The following AGMO variants were observed in gnomAD, a reference collection of about 807,000 sequenced individuals.
AGMO encodes the protein alkylglycerol monooxygenase.
Under a neutral mutation model 60.2 loss-of-function variants are expected in AGMO, and 75 were observed. That is an observed-to-expected ratio of 1.25 (90% CI 1.03 to 1.51). AGMO has a LOEUF of 1.51. Ranked by LOEUF, AGMO falls within the 40% of genes most tolerant of loss-of-function variation. AGMO has a pLI of 0.00. For synonymous variants in AGMO, 261 were observed against 177.1 expected, an observed-to-expected ratio of 1.47 and a Z score of -3.76; for missense variants, 763 against 525.5, an observed-to-expected ratio of 1.45 and a Z score of -4.42.
chr7:15,289,180 A>G (rs756718030), intron 12 of AGMO, among the ~76,000 whole-genome samples: 2 of 152,114 alleles, frequency 1.3e-5, no homozygotes, highest in Non-Finnish European at 2.9e-5. Context: ...CATAATTTAA[A>G]TCATTAAAAT....
At chr7:15,414,586 C>G (rs1441857052) in intron 5 of AGMO, among the ~76,000 whole-genome samples, 2 of 151,612 alleles carry the variant, frequency 1.3e-5, no homozygotes, top group African/African-American at 4.9e-5. Flanking sequence ...CTGTCTTATA[C>G]CATCTAGCTC....
chr7:15,341,358 C>G (rs774732790), intron 12 of AGMO, among the ~76,000 whole-genome samples: 1 of 152,168 alleles, frequency 6.6e-6, no homozygotes, highest in Non-Finnish European at 1.5e-5. Context: ...ATCTCTAGGG[C>G]AGGGGCAAAA....
rs78347957 is a variant in AGMO, at chr7:15,230,345, A to T, written c.1264-28986T>A. ...GTTGTCTGCAAAATTTAAGGTAAAA[A>T]AAAAATTACCCATAAATACAATCGA... On this transcript the variant is annotated intron_variant, in intron 12 of 12. Transcript: ENST00000342526. Among the ~76,000 whole-genome samples the T allele has an allele frequency of 3.7e-4, 57 of 152,282 alleles. 1 individual carries two copies. In the East Asian group the frequency reaches 0.01, roughly 28 times the overall value.
At chr7:15,344,671 C>A (rs1781971287) in intron 12 of AGMO, among the ~76,000 whole-genome samples, 1 of 152,128 alleles carries the variant, frequency 6.6e-6, no homozygotes, top group Admixed American at 6.5e-5. Context: ...GCACTCCAGC[C>A]TGGGTGACAG....
intron 11 of AGMO, 60 bp from the exon 12 acceptor site, chr7:15,365,679 G>C (rs900066612): frequency 9.1e-7 from 1 of 1,101,836 alleles, no homozygotes; most frequent in South Asian, 1.4e-5. Context: ...ATGTTCACAT[G>C]TTATAATTAA....
Position 15,550,185 on chromosome 7 carries a change from A to G in AGMO, c.258-5262T>C, listed in dbSNP as rs976762814. 2.9e-3 allele frequency among the ~76,000 whole-genome samples: 445 copies of G among 151,216 alleles called. 2 individuals are homozygous for G. Among genetic ancestry groups the G allele is most frequent in the African/African-American group, 0.01 (427 of 41,322 alleles). On this transcript the variant is annotated intron_variant, in intron 2 of 12. Transcript: ENST00000342526. ...CAAAGCAGTGTGTAGAGGGAAATTT[A>G]TAGCACTAAATGCCCACAAGAGAAA... is the stretch of plus-strand genomic sequence containing the variant.
chr7:15,189,238 C>T, the AGMO span, among the ~76,000 whole-genome samples: 164 of 152,054 alleles, frequency 1.1e-3, no homozygotes, highest in Middle Eastern at 3.4e-3. Flanking sequence ...GTAAGAACTG[C>T]CATGAGGGAA....
At chr7:15,276,532 T>C (rs1470800351) in intron 12 of AGMO, among the ~76,000 whole-genome samples, 1 of 152,144 alleles carries the variant, frequency 6.6e-6, no homozygotes, top group Non-Finnish European at 1.5e-5. Flanking sequence ...TTGTCTTATA[T>C]ATTATCTAGC....
the AGMO span, among the ~76,000 whole-genome samples, chr7:15,182,203 G>C: frequency 1.3e-5 from 2 of 152,170 alleles, no homozygotes; most frequent in Non-Finnish European, 2.9e-5. Context: ...TGGGGGAAGA[G>C]GGAAGTGGGG....
chr7:15,184,515 AAGGG>A, the AGMO span, among the ~76,000 whole-genome samples: 2 of 126,860 alleles, frequency 1.6e-5, no homozygotes, highest in Non-Finnish European at 3.3e-5. Flanking sequence ...AGAAGGAAGG[AAGGG>A]AGGGAGGGAA....
chr7:15,264,160 T>C (rs1279141000), intron 12 of AGMO, among the ~76,000 whole-genome samples: 3 of 151,890 alleles, frequency 2.0e-5, no homozygotes, highest in Non-Finnish European at 4.4e-5. Flanking sequence ...ATTAGTTGTG[T>C]GCATCTAAAA....
intron 12 of AGMO, among the ~76,000 whole-genome samples, chr7:15,275,886 A>G (rs1286748482): frequency 1.3e-5 from 2 of 151,508 alleles, no homozygotes; most frequent in East Asian, 3.9e-4. Flanking sequence ...CATTTGTGTG[A>G]TATGTTTTTT....
At chr7:15,277,977 G>T (rs895007343) in intron 12 of AGMO, among the ~76,000 whole-genome samples, 1 of 152,136 alleles carries the variant, frequency 6.6e-6, no homozygotes, top group African/African-American at 2.4e-5. Flanking sequence ...TGAGGGGTCT[G>T]TACAAGTTTT....
intron 3 of AGMO, among the ~76,000 whole-genome samples, chr7:15,434,593 G>A (rs1781346886): frequency 6.6e-6 from 1 of 152,110 alleles, no homozygotes; most frequent in Non-Finnish European, 1.5e-5. Flanking sequence ...CAAGCCTCAT[G>A]AAGAACTGAA....
rs923078967 is a variant in AGMO, at chr7:15,536,936, C to T, written c.409+7836G>A. 2.0e-5 allele frequency among the ~76,000 whole-genome samples: 3 copies of T among 151,884 alleles called. No homozygotes were observed. In the East Asian group the frequency reaches 5.8e-4, roughly 29 times the overall value. The stretch of plus-strand genomic sequence containing the variant: ...TGACTTTTTTTTTGGTCTAAAATGG[C>T]TGTATTCAAATATTTTGTGTGCTAA... On this transcript the variant is annotated intron_variant, in intron 3 of 12. Coordinates refer to ENST00000342526, the MANE Select transcript of AGMO (RefSeq NM_001004320.2).
At chr7:15,415,749 A>G (rs1221288725) in intron 5 of AGMO, among the ~76,000 whole-genome samples, 1 of 152,130 alleles carries the variant, frequency 6.6e-6, no homozygotes, top group Non-Finnish European at 1.5e-5. Flanking sequence ...ACACCCAAAT[A>G]ACACCTGACA....
At chr7:15,251,077 T>G (rs1156275690) in intron 12 of AGMO, among the ~76,000 whole-genome samples, 2 of 152,124 alleles carry the variant, frequency 1.3e-5, no homozygotes, top group Non-Finnish European at 2.9e-5. Flanking sequence ...TTAAATATAT[T>G]AATATAATAT....
At chr7:15,119,379 G>A in the AGMO span, among the ~76,000 whole-genome samples, 2 of 151,850 alleles carry the variant, frequency 1.3e-5, no homozygotes, top group African/African-American at 2.4e-5. Flanking sequence ...CCCAGTCTTG[G>A]GTGTTTCTTT....
rs556693410 is a variant in AGMO at position 15,257,592 on chromosome 7, T to C, written c.1264-56233A>G. Among the ~76,000 whole-genome samples, 7 of 152,326 alleles carry C rather than the reference T, an allele frequency of 4.6e-5. No individual in the cohort carries two copies. In the South Asian group the frequency reaches 8.3e-4, roughly 18 times the overall value. The stretch of plus-strand genomic sequence containing the variant: ...TCCCCTCTGATGATTAGAAATACAA[T>C]TGCCTTGGGGCAAATAAATTCTCAC... On this transcript the variant is annotated intron_variant, in intron 12 of 12. Coordinates refer to ENST00000342526, the MANE Select transcript of AGMO (RefSeq NM_001004320.2).
Sources: gnomAD v4.1 joint callset for allele counts (sites outside exome capture counted in the v4.1 genomes callset) on GRCh38, gnomAD v4.1.1 for gene constraint, MANE v1.5 for transcripts, NCBI Gene and HGNC (gene_info 2026-07-23, HGNC 2026-07-21) for gene names.